The following TMEM132B variants were observed in gnomAD, a reference collection of about 807,000 sequenced individuals.
TMEM132B encodes the protein transmembrane protein 132B.
Under a neutral mutation model 90.8 loss-of-function variants are expected in TMEM132B, and 18 were observed. That is an observed-to-expected ratio of 0.20 (90% CI 0.14 to 0.29). The LOEUF (loss-of-function observed/expected upper bound fraction) is 0.29. TMEM132B is among the 10% of genes least tolerant of loss of function. TMEM132B has a pLI of 1.00. For synonymous variants in TMEM132B, 504 were observed against 523.3 expected (o/e 0.96, Z 0.50); for missense variants, 1,096 against 1,326.8 (o/e 0.83, Z 2.70).
chr12:125,527,685 C>T lies in TMEM132B; in HGVS notation c.1293+8060C>T, dbSNP rs961552202. On this transcript the variant is annotated intron_variant, in intron 4 of 8. Transcript: ENST00000682704. ...CCTTCCATTTACCCATTCACCCTTCCAACCACCCAGCCACCCTTCCATCCA... is the reference window on the plus strand; with the variant it reads ...CCTTCCATTTACCCATTCACCCTTCTAACCACCCAGCCACCCTTCCATCCA... Among the ~76,000 whole-genome samples, 8 of 150,652 alleles carry T rather than the reference C, an allele frequency of 5.3e-5. No individual in the cohort carries two copies. In the East Asian group the frequency reaches 9.8e-4, roughly 18 times the overall value.
intron 4 of TMEM132B, among the ~76,000 whole-genome samples, chr12:125,570,204 T>C (rs1182274531): frequency 6.6e-6 from 1 of 152,220 alleles, no homozygotes; most frequent in Non-Finnish European, 1.5e-5. Flanking sequence ...AGTTTCCATT[T>C]CTTGTAGAAC....
chr12:125,236,423 T>G (rs1036989312), intron 1 of TMEM132B, among the ~76,000 whole-genome samples: 1 of 152,154 alleles, frequency 6.6e-6, no homozygotes, highest in African/African-American at 2.4e-5. Context: ...TCCCAAATTC[T>G]TGGGATTACA....
intron 4 of TMEM132B, among the ~76,000 whole-genome samples, chr12:125,538,463 T>C (rs952388921): frequency 1.3e-5 from 2 of 152,190 alleles, no homozygotes; most frequent in African/African-American, 4.8e-5. Context: ...CAAGCACATC[T>C]CAAGTGATCA....
chr12:125,434,897 C>A lies in TMEM132B; in HGVS notation c.1106+19220C>A, dbSNP rs368472830. On this transcript the variant is annotated intron_variant, in intron 3 of 8. Transcript: ENST00000682704. ...CAGGAGCGAAGAGCCCCTCCTCATG[C>A]TGAAACTTCTTTTCCGTGTAAAACT... 1.6e-4 allele frequency among the ~76,000 whole-genome samples: 25 copies of A among 152,316 alleles called. No homozygotes were observed. In the East Asian group the frequency reaches 4.1e-3, roughly 25 times the overall value.
chr12:125,413,629 C>T (rs956611466), intron 2 of TMEM132B, among the ~76,000 whole-genome samples: 4 of 152,232 alleles, frequency 2.6e-5, no homozygotes, highest in African/African-American at 7.2e-5. Flanking sequence ...TTCTTTCACT[C>T]AGCATCACGT....
chr12:125,297,034 G>C (rs1875688298), intron 1 of TMEM132B, among the ~76,000 whole-genome samples: 1 of 152,232 alleles, frequency 6.6e-6, no homozygotes, highest in Non-Finnish European at 1.5e-5. Flanking sequence ...AGAGCAGTGG[G>C]AAGAATGGTC....
chr12:125,387,902 A>T (rs1878889440), intron 2 of TMEM132B, among the ~76,000 whole-genome samples: 2 of 152,192 alleles, frequency 1.3e-5, no homozygotes, highest in African/African-American at 4.8e-5. Flanking sequence ...AAAGAAGGAA[A>T]AGTCTTCGGG....
At chr12:125,345,669 CT>C (rs1193562221) in intron 1 of TMEM132B, among the ~76,000 whole-genome samples, 1 of 152,128 alleles carries the variant, frequency 6.6e-6, no homozygotes, top group Non-Finnish European at 1.5e-5. Context: ...TCTGGTGCAC[CT>C]TGTGTTCTCT....
chr12:125,597,516 T>G (rs1180479006), intron 5 of TMEM132B, among the ~76,000 whole-genome samples: 1 of 152,220 alleles, frequency 6.6e-6, no homozygotes, highest in Non-Finnish European at 1.5e-5. Context: ...TAACAATAAA[T>G]CAGCATGAGC....
At chr12:125,515,507 A>G (rs570541342) in intron 3 of TMEM132B, among the ~76,000 whole-genome samples, 1 of 151,500 alleles carries the variant, frequency 6.6e-6, no homozygotes, top group African/African-American at 2.4e-5. Context: ...ACATTGACAC[A>G]TTCGCTCACA....
intron 3 of TMEM132B, among the ~76,000 whole-genome samples, chr12:125,488,363 G>A (rs903256171): frequency 6.6e-6 from 1 of 152,100 alleles, no homozygotes; most frequent in Admixed American, 6.5e-5. Context: ...CATTTACTTA[G>A]CATATGGTAT....
Position 125,190,968 on chromosome 12 carries a change from G to A in TMEM132B, c.67+4102G>A, listed in dbSNP as rs146893980. On this transcript the variant is annotated intron_variant, in intron 1 of 8. Coordinates refer to ENST00000682704, the MANE Select transcript of TMEM132B (RefSeq NM_001366854.1). ...GGGTGGTGATGGGGAAGGGGTGGTG[G>A]TGGTGATGGTGATGGTGATGGGGAA... Among the ~76,000 whole-genome samples, 109 of 41,320 alleles carry A rather than the reference G, an allele frequency of 2.6e-3. 21 individuals carry two copies. The highest frequency in any genetic ancestry group is 5.8e-3 in the South Asian group (4 of 686). The allele number at this position is 41,320 out of a possible 152,430, so 27.1% of individuals were successfully genotyped here. A position where few individuals can be genotyped will look rare whatever the true frequency, so the allele number is the denominator to read the frequency against.
chr12:125,470,992 C>T (rs1007515350), intron 3 of TMEM132B, among the ~76,000 whole-genome samples: 1 of 152,234 alleles, frequency 6.6e-6, no homozygotes, highest in African/African-American at 2.4e-5. Flanking sequence ...AGCCTGAGGT[C>T]GTACCTCAAC....
At chr12:125,363,959 C>T (rs1878043029) in intron 2 of TMEM132B, among the ~76,000 whole-genome samples, 1 of 152,182 alleles carries the variant, frequency 6.6e-6, no homozygotes, top group African/African-American at 2.4e-5. Context: ...ATTCATGTCT[C>T]CATTCTTGGA....
chr12:125,642,453 TAAAG>T (rs937794619), intron 5 of TMEM132B, among the ~76,000 whole-genome samples: 3 of 152,204 alleles, frequency 2.0e-5, no homozygotes, highest in Non-Finnish European at 4.4e-5. Flanking sequence ...TTTGAAAAGT[TAAAG>T]AAATGCCATA....
intron 1 of TMEM132B, among the ~76,000 whole-genome samples, chr12:125,281,719 C>T (rs1476896358): frequency 6.6e-6 from 1 of 152,086 alleles, no homozygotes; most frequent in Non-Finnish European, 1.5e-5. Flanking sequence ...CAATGGCTCC[C>T]TGGGACCTGT....
At chr12:125,341,207 C>T in intron 1 of TMEM132B, among the ~76,000 whole-genome samples, 1 of 152,222 alleles carries the variant, frequency 6.6e-6, no homozygotes, top group East Asian at 1.9e-4. Context: ...CAAATTCCAC[C>T]TCTGCCACTT....
chr12:125,542,819 A>G (rs1883989732), intron 4 of TMEM132B, among the ~76,000 whole-genome samples: 1 of 152,182 alleles, frequency 6.6e-6, no homozygotes, highest in African/African-American at 2.4e-5. Flanking sequence ...ATCTCTTCGA[A>G]GCCTTGCTTT....
intron 1 of TMEM132B, among the ~76,000 whole-genome samples, chr12:125,211,677 C>T (rs922382809): frequency 6.6e-6 from 1 of 152,212 alleles, no homozygotes; most frequent in African/African-American, 2.4e-5. Flanking sequence ...TTCCTTCCAC[C>T]CGCTGCACAC....
Sources: gnomAD v4.1 joint callset for allele counts (sites outside exome capture counted in the v4.1 genomes callset) on GRCh38, gnomAD v4.1.1 for gene constraint, MANE v1.5 for transcripts, NCBI Gene and HGNC (gene_info 2026-07-23, HGNC 2026-07-21) for gene names.